PRAMEF11: variants seen among roughly 807,000 people sequenced by gnomAD.
The protein encoded by PRAMEF11 is PRAME family member 11.
A neutral mutation model predicts 33.6 loss-of-function variants in PRAMEF11; 17 were observed. That is an observed-to-expected ratio of 0.51 (90% CI 0.35 to 0.76). The LOEUF (loss-of-function observed/expected upper bound fraction) is 0.76. Among genes scored for constraint, PRAMEF11 ranks in the 30% least tolerant of loss-of-function variants. The probability of loss-of-function intolerance (pLI) is 0.01; values close to 1 mark genes in which losing one functional copy is unlikely to be tolerated. For missense variants in PRAMEF11, 568 were observed against 567.0 expected, an observed-to-expected ratio of 1.00 and a Z score of -0.02; for synonymous variants, 205 against 227.3, an observed-to-expected ratio of 0.90 and a Z score of 0.88.
At position 12,825,103 on chromosome 1, in the gene PRAMEF11, C is replaced by G; in HGVS notation, c.1276G>C (p.Gly426Arg). ...PAPQESYGAD[G>R]TLCWSRFAQI... is the part of the protein sequence containing the mutation. ...GCAAATCTGCTCCAGCAGAGAGTAC[C>G]ATCAGCACCATAACTTTCCTGCGGG... Residue 426 changes from glycine (G) to arginine (R), a missense_variant, in exon 4 of 4, where the codon GGT becomes CGT. Physicochemically the swap from Gly to Arg is moderately radical, Grantham distance 125. Transcript: ENST00000619922. 3.7e-6 allele frequency: 6 copies of G among 1,609,626 alleles called. 1 individual carries two copies. Among genetic ancestry groups the G allele is most frequent in the Non-Finnish European group, 5.1e-6 (6 of 1,177,724 alleles).
chr1:12,827,933 C>G lies in PRAMEF11; in HGVS notation c.294-103G>C, dbSNP rs557898607. ...CCTCCCCTCCCTGCTTGTTGTCCCTCTCTCTGAGTTTTCTTCACCCTGTTT... is the reference window on the plus strand; with the variant it reads ...CCTCCCCTCCCTGCTTGTTGTCCCTGTCTCTGAGTTTTCTTCACCCTGTTT... On this transcript the variant is annotated intron_variant, in intron 2 of 3. Coordinates refer to ENST00000619922, the MANE Select transcript of PRAMEF11 (RefSeq NM_001146344.3). 331 of 1,575,258 alleles carry G rather than the reference C, an allele frequency of 2.1e-4. 8 individuals are homozygous for G. Among genetic ancestry groups the G allele is most frequent in the African/African-American group, 3.2e-4 (24 of 73,988 alleles).
At position 12,825,327 on chromosome 1, in the gene PRAMEF11, G is replaced by T; in HGVS notation, c.1052C>A (p.Ala351Glu). ...TAAATCCAGGTACTCAAGGGTGGCT[G>T]CAACTTTTTCTAGGAGAATTTGGAG... ...VPLQILLEKVAATLEYLDLDD... is the reference protein window; with the variant it reads ...VPLQILLEKVEATLEYLDLDD... The change falls in exon 4 of 4, where the codon GCA becomes GAA. Residue 351 changes from alanine (A) to glutamate (E), a missense_variant. By Grantham distance (107) the Ala-to-Glu change is moderately radical. Transcript: ENST00000619922. The T allele has an allele frequency of 6.3e-7, 1 of 1,586,068 alleles. No homozygotes were observed. The highest frequency in any genetic ancestry group is 1.7e-5 in the Admixed American group (1 of 57,890).
chr1:12,828,752 T>C lies in PRAMEF11; in HGVS notation c.38A>G (p.Glu13Gly). The change falls in exon 2 of 4, where the codon GAG becomes GGG. Residue 13 changes from glutamate (E) to glycine (G), a missense_variant. By Grantham distance (98) the Glu-to-Gly change is moderately conservative. This residue lies in a region of PRAMEF11 where 342 missense variants were observed against 312.0 expected (regional missense o/e 1.10). Transcript: ENST00000619922. Reference protein sequence around the residue: ...MSIRIPPRLLELAGRSLLRDQ... With the variant: ...MSIRIPPRLLGLAGRSLLRDQ... ...CCTCAGCAGGCTCCGCCCCGCAAGC[T>C]CCAGGAGTCTGGGTGGAATCCGGAT... The C allele has an allele frequency of 6.2e-7, 1 of 1,609,772 alleles. No homozygotes were observed. Among genetic ancestry groups the C allele is most frequent in the Non-Finnish European group, 8.5e-7 (1 of 1,177,982 alleles).
chr1:12,825,694 C>G (rs4026564), intron 3 of PRAMEF11, among the ~76,000 whole-genome samples, 191 bp from the exon 4 acceptor site: 15 of 145,366 alleles, frequency 1.0e-4, no homozygotes, highest in South Asian at 2.3e-4. Flanking sequence ...CCACTTTAGG[C>G]CCGGCCCAGT....
At position 12,827,542 on chromosome 1, in the gene PRAMEF11, G is replaced by A; in HGVS notation, c.582C>T (p.Phe194=). The change falls in exon 3 of 4, where the codon TTC becomes TTT. Residue 194 remains phenylalanine (F), a synonymous_variant. Coordinates refer to ENST00000619922, the MANE Select transcript of PRAMEF11 (RefSeq NM_001146344.3). ...TTTTCAGGATGCTTCTGATATTGCG[G>A]AAGGGCATTCCCAAAATTTTCAGCT... ...CKKLKILGMP[F]RNIRSILKMV... is the part of the protein sequence containing the mutation. 6.2e-7 allele frequency: 1 copy of A among 1,610,206 alleles called. No individual in the cohort carries two copies. Among genetic ancestry groups the A allele is most frequent in the Non-Finnish European group, 8.5e-7 (1 of 1,178,088 alleles).
intron 2 of PRAMEF11, among the ~76,000 whole-genome samples, chr1:12,828,105 C>T (rs1639915256): frequency 6.7e-6 from 1 of 149,928 alleles, no homozygotes; most frequent in African/African-American, 2.5e-5. Context: ...CCTGCCTCAA[C>T]CTCACAAGTA....
At position 12,827,668 on chromosome 1, in the gene PRAMEF11, A is replaced by G. The variant is rs2486716; in HGVS notation, c.456T>C (p.Phe152=). ...TCCTGTTCTTGAGCCAAAGTTCTAC[A>G]AACACAGTCAAGGGCTGCCGTCCTC... is the stretch of plus-strand genomic sequence containing the variant. ...RMRGRQPLTV[F]VELWLKNRTL... Residue 152 remains phenylalanine, a synonymous_variant, in exon 3 of 4, where the codon TTT becomes TTC. Transcript: ENST00000619922. 2.6e-4 allele frequency: 413 copies of G among 1,606,668 alleles called. 51 individuals are homozygous for G. The highest frequency in any genetic ancestry group is 1.5e-3 in the East Asian group (68 of 43,920).
chr1:12,828,526 A>G lies in PRAMEF11; in HGVS notation c.264T>C (p.Asp88=), dbSNP rs1191137153. Residue 88 remains aspartate (D), a synonymous_variant, in exon 2 of 4, where the codon GAT becomes GAC. Coordinates refer to ENST00000619922, the MANE Select transcript of PRAMEF11 (RefSeq NM_001146344.3). The part of the protein sequence containing the change: ...EAFQAVLDGL[D]ALLTQGVRPR... The stretch of plus-strand genomic sequence containing the variant: ...GACGAACCCCTTGGGTAAGCAGTGC[A>G]TCCAGCCCATCGAGCACAGCTTGGA... 6.2e-7 allele frequency: 1 copy of G among 1,600,252 alleles called. No homozygotes were observed.
rs540386242 is a variant in PRAMEF11, at chr1:12,825,074, T to C, written c.1305A>G (p.Gln435=). 7.1e-5 allele frequency: 114 copies of C among 1,609,746 alleles called. 9 individuals carry two copies. In the East Asian group the frequency reaches 2.5e-3, roughly 36 times the overall value. ...CTTTCTTCATCAGCTCAGCCCTAATTTGAGCAAATCTGCTCCAGCAGAGAG... is the reference window on the plus strand; with the variant it reads ...CTTTCTTCATCAGCTCAGCCCTAATCTGAGCAAATCTGCTCCAGCAGAGAG... ...DGTLCWSRFA[Q]IRAELMKKVR... The change falls in exon 4 of 4, where the codon CAA becomes CAG. Residue 435 remains glutamine, a synonymous_variant. Transcript: ENST00000619922.
rs1474331480 is a variant in PRAMEF11 at position 12,828,622 on chromosome 1, C to T, written c.168G>A (p.Leu56=). ...FSRRRCEALK[L]MVQAWPFRRL... ...GGCGGAAGGGCCAGGCCTGCACCAT[C>T]AGCTTCAGGGCCTCACAGCGTCTCC... Residue 56 remains leucine, a synonymous_variant, in exon 2 of 4, where the codon CTG becomes CTA. Transcript: ENST00000619922. 2 of 1,603,770 alleles carry T rather than the reference C, an allele frequency of 1.2e-6. No individual in the cohort carries two copies. The highest frequency in any genetic ancestry group is 2.7e-5 in the African/African-American group (2 of 74,236).
At chr1:12,830,304 A>G (rs1196445562) in intron 1 of PRAMEF11, among the ~76,000 whole-genome samples, 1 of 151,094 alleles carries the variant, frequency 6.6e-6, no homozygotes, top group Non-Finnish European at 1.5e-5. Context: ...TTTGGTGTTG[A>G]GGGAGCTGAA....
chr1:12,831,325 G>A (rs1181307290), intron 1 of PRAMEF11, 31 bp downstream of exon 1: 2 of 151,168 alleles, frequency 1.3e-5, no homozygotes, highest in African/African-American at 2.4e-5. Context: ...TAGGTCAGAT[G>A]GGAGTGTCCT....
intron 1 of PRAMEF11, among the ~76,000 whole-genome samples, chr1:12,829,973 T>G (rs1325501506): frequency 2.2e-4 from 33 of 151,470 alleles, no homozygotes; most frequent in African/African-American, 7.3e-4. Context: ...GAATTAGATA[T>G]TCATCCATCA....
At chr1:12,830,315 T>C (rs947020196) in intron 1 of PRAMEF11, among the ~76,000 whole-genome samples, 3 of 151,098 alleles carry the variant, frequency 2.0e-5, no homozygotes, top group Admixed American at 6.6e-5. Context: ...GGGAGCTGAA[T>C]CTCACTTCAT....
Position 12,827,424 on chromosome 1 carries a change from T to C in PRAMEF11, c.700A>G (p.Arg234Gly). ...GAGAGAACGAGCTTCTGAAGATTCC[T>C]CAAGTGGCCCAGGTATGGGGTAAAC... ...TQFTPYLGHL[R>G]NLQKLVLSHM... Residue 234 changes from arginine to glycine, a missense_variant, in exon 3 of 4, where the codon AGG becomes GGG. This residue lies in a region of PRAMEF11 where 342 missense variants were observed against 312.0 expected (regional missense o/e 1.10). Coordinates refer to ENST00000619922, the MANE Select transcript of PRAMEF11 (RefSeq NM_001146344.3). 2 of 1,607,624 alleles carry C rather than the reference T, an allele frequency of 1.2e-6. No homozygotes were observed. Among genetic ancestry groups the C allele is most frequent in the Non-Finnish European group, 1.7e-6 (2 of 1,177,922 alleles).
rs763469738 is a variant in PRAMEF11, at chr1:12,828,726, C to G, written c.64G>C (p.Asp22His). ...LELAGRSLLR[D>H]QALAVSTLEE... Reference sequence around the variant, plus strand: ...AGGGTGGAGACGGCCAAGGCTTGGTCCCTCAGCAGGCTCCGCCCCGCAAGC... The same window carrying G: ...AGGGTGGAGACGGCCAAGGCTTGGTGCCTCAGCAGGCTCCGCCCCGCAAGC... The change falls in exon 2 of 4, where the codon GAC becomes CAC. Residue 22 changes from aspartate (D) to histidine (H), a missense_variant. Around this residue, in one of 3 missense-constraint regions of PRAMEF11, gnomAD observed 342 missense variants for 312.0 expected, o/e 1.10. Coordinates refer to ENST00000619922, the MANE Select transcript of PRAMEF11 (RefSeq NM_001146344.3). The G allele has an allele frequency of 1.2e-6, 2 of 1,610,246 alleles. No individual in the cohort carries two copies. The highest frequency in any genetic ancestry group is 1.7e-6 in the Non-Finnish European group (2 of 1,178,020).
At chr1:12,826,429 T>G (rs1350421914) in intron 3 of PRAMEF11, among the ~76,000 whole-genome samples, 1 of 151,332 alleles carries the variant, frequency 6.6e-6, no homozygotes, top group East Asian at 2.0e-4. Context: ...CCCTCTTCAG[T>G]GCCCACTTCA....
At chr1:12,826,189 C>A (rs896866977) in intron 3 of PRAMEF11, among the ~76,000 whole-genome samples, 1 of 151,094 alleles carries the variant, frequency 6.6e-6, no homozygotes, top group Non-Finnish European at 1.5e-5. Flanking sequence ...GGGCAGGCTG[C>A]AGGCGTCCCT....
chr1:12,827,003 C>G (rs868647086), intron 3 of PRAMEF11, among the ~76,000 whole-genome samples: 7 of 151,272 alleles, frequency 4.6e-5, no homozygotes, highest in Middle Eastern at 6.9e-3. Flanking sequence ...CTGAACCCCC[C>G]AGTAGCTAGC....
Sources: gnomAD v4.1 joint callset for allele counts (sites outside exome capture counted in the v4.1 genomes callset) on GRCh38, gnomAD v4.1.1 for gene constraint, gnomAD v4.1.1 regional missense constraint, MANE v1.5 for transcripts, NCBI Gene and HGNC (gene_info 2026-07-23, HGNC 2026-07-21) for gene names.